FUT8: variants seen among roughly 807,000 people sequenced by gnomAD.
FUT8 encodes the protein alpha-(1,6)-fucosyltransferase.
FUT8 carries 29 observed loss-of-function variants against 71.3 expected under a neutral mutation model. That is an observed-to-expected ratio of 0.41 (90% CI 0.30 to 0.55). The LOEUF (loss-of-function observed/expected upper bound fraction) is 0.55, where lower values mean the gene tolerates loss of function less well. Ranked by LOEUF, FUT8 falls within the 20% of genes least tolerant of loss-of-function variation. The pLI, the probability that FUT8 is intolerant of heterozygous loss-of-function variation, is 0.34. For missense variants in FUT8, 544 were observed against 702.1 expected, an observed-to-expected ratio of 0.77 and a Z score of 2.55; for synonymous variants, 254 against 239.3, an observed-to-expected ratio of 1.06 and a Z score of -0.57.
chr14:65,464,501 A>G (rs1267616432), intron 2 of FUT8, among the ~76,000 whole-genome samples: 1 of 151,996 alleles, frequency 6.6e-6, no homozygotes, highest in Non-Finnish European at 1.5e-5. Context: ...AGTTTTTTGT[A>G]AATTTTATTT....
chr14:65,720,978 A>C (rs1433645728), intron 7 of FUT8, among the ~76,000 whole-genome samples: 1 of 152,092 alleles, frequency 6.6e-6, no homozygotes, highest in Admixed American at 6.5e-5. Context: ...CCCTCCCCCA[A>C]GCACACAGAT....
At chr14:65,428,403 T>G (rs565174100) in intron 1 of FUT8, among the ~76,000 whole-genome samples, 1 of 152,288 alleles carries the variant, frequency 6.6e-6, no homozygotes, top group South Asian at 2.1e-4. Context: ...GATTAGTGTC[T>G]TTACTATTAA....
chr14:65,537,078 A>T (rs1343452573), intron 2 of FUT8, among the ~76,000 whole-genome samples: 6 of 143,556 alleles, frequency 4.2e-5, no homozygotes, highest in Admixed American at 3.5e-4. Context: ...TGAGATTCTT[A>T]TAGAGGTTTT....
chr14:65,688,245 C>T (rs1164182328), intron 7 of FUT8, among the ~76,000 whole-genome samples: 2 of 152,068 alleles, frequency 1.3e-5, no homozygotes, highest in East Asian at 3.9e-4. Flanking sequence ...ACTTATTTAT[C>T]CCTCCCCACC....
intron 7 of FUT8, among the ~76,000 whole-genome samples, chr14:65,718,349 G>C (rs1030338905): frequency 1.3e-5 from 2 of 152,160 alleles, no homozygotes; most frequent in African/African-American, 4.8e-5. Flanking sequence ...TCAAAAAGAA[G>C]TCTAATAAAT....
chr14:65,595,771 G>A (rs955463320), intron 3 of FUT8, among the ~76,000 whole-genome samples: 3 of 151,806 alleles, frequency 2.0e-5, no homozygotes, highest in Admixed American at 6.6e-5. Flanking sequence ...ACCACCCCTG[G>A]CTAATTTTTT....
chr14:65,725,457 C>A (rs539392548), intron 9 of FUT8, among the ~76,000 whole-genome samples: 1 of 152,174 alleles, frequency 6.6e-6, no homozygotes, highest in Non-Finnish European at 1.5e-5. Flanking sequence ...TGGAGTTAGT[C>A]TTTATTTACT....
chr14:65,692,420 C>G (rs1893686764), intron 7 of FUT8, among the ~76,000 whole-genome samples: 1 of 143,934 alleles, frequency 6.9e-6, no homozygotes, highest in Admixed American at 6.8e-5. Context: ...ACCCCCCCAC[C>G]TCCCTCCCGG....
chr14:65,720,536 AG>A (rs1427777937), intron 7 of FUT8, among the ~76,000 whole-genome samples: 1 of 152,228 alleles, frequency 6.6e-6, no homozygotes. Context: ...AGTGGAAGGA[AG>A]GAGTCTCTTT....
chr14:65,590,654 C>A (rs1389520768), intron 3 of FUT8, among the ~76,000 whole-genome samples: 2 of 152,134 alleles, frequency 1.3e-5, no homozygotes, highest in African/African-American at 2.4e-5. Flanking sequence ...GTAATTCTCA[C>A]CTCCATAGAA....
intron 1 of FUT8, among the ~76,000 whole-genome samples, chr14:65,422,126 G>A (rs1041761179): frequency 1.3e-5 from 2 of 152,044 alleles, no homozygotes; most frequent in Non-Finnish European, 2.9e-5. Flanking sequence ...GTGGCCAGGG[G>A]TATTGTTCAA....
intron 6 of FUT8, among the ~76,000 whole-genome samples, chr14:65,635,843 G>C (rs1297119156): frequency 6.6e-6 from 1 of 152,132 alleles, no homozygotes; most frequent in Non-Finnish European, 1.5e-5. Context: ...GGTGATGCTG[G>C]CTTCATAGAA....
intron 1 of FUT8, among the ~76,000 whole-genome samples, chr14:65,416,646 A>T (rs2065223191): frequency 6.6e-6 from 1 of 152,206 alleles, no homozygotes; most frequent in South Asian, 2.1e-4. Flanking sequence ...GTTATAGTGA[A>T]ACAATTAAAC....
the FUT8 span, among the ~76,000 whole-genome samples, chr14:65,372,282 A>AT: frequency 6.6e-6 from 1 of 152,178 alleles, no homozygotes; most frequent in Non-Finnish European, 1.5e-5. Context: ...GGACTCCTCT[A>AT]TGTATCTTCC....
intron 1 of FUT8, among the ~76,000 whole-genome samples, chr14:65,427,556 G>A (rs759123959): frequency 6.6e-6 from 1 of 152,038 alleles, no homozygotes; most frequent in Non-Finnish European, 1.5e-5. Context: ...TATACCAATT[G>A]GCCATTTATA....
chr14:65,532,790 C>G (rs150868276), intron 2 of FUT8, among the ~76,000 whole-genome samples: 16 of 152,164 alleles, frequency 1.1e-4, no homozygotes, highest in Non-Finnish European at 2.4e-4. Flanking sequence ...AGTCTTTAAT[C>G]CGTCTTGAGT....
intron 7 of FUT8, among the ~76,000 whole-genome samples, chr14:65,685,917 C>T (rs1893266285): frequency 6.6e-6 from 1 of 152,176 alleles, no homozygotes; most frequent in Admixed American, 6.5e-5. Context: ...CTTCTTTATG[C>T]AAGTTGTTTT....
At chr14:65,385,994 A>G in the FUT8 span, among the ~76,000 whole-genome samples, 1 of 152,048 alleles carries the variant, frequency 6.6e-6, no homozygotes, top group African/African-American at 2.4e-5. Flanking sequence ...TCTACTAAAA[A>G]TACAAAAATT....
intron 3 of FUT8, among the ~76,000 whole-genome samples, chr14:65,606,578 C>T (rs1378265139): frequency 6.6e-6 from 1 of 151,234 alleles, no homozygotes; most frequent in Non-Finnish European, 1.5e-5. Flanking sequence ...ATTATTTTTC[C>T]TTTCCATATT....
Sources: allele counts gnomAD v4.1 joint callset (sites outside exome capture counted in the v4.1 genomes callset), GRCh38; gene constraint gnomAD v4.1.1; transcripts MANE v1.5; gene names NCBI Gene and HGNC (gene_info 2026-07-23, HGNC 2026-07-21).